Variants in ARID1B observed in about 807,000 individuals in gnomAD.
ARID1B encodes the protein AT-rich interactive domain-containing protein 1B.
Under a neutral mutation model 212.3 loss-of-function variants are expected in ARID1B, and 30 were observed. That is an observed-to-expected ratio of 0.14 (90% CI 0.11 to 0.19). The LOEUF (loss-of-function observed/expected upper bound fraction) is 0.19, where lower values mean the gene tolerates loss of function less well. Ranked by LOEUF, ARID1B falls within the 10% of genes least tolerant of loss-of-function variation. ARID1B has a pLI of 1.00. For synonymous variants in ARID1B, 1,402 were observed against 1,301.7 expected, an observed-to-expected ratio of 1.08 and a Z score of -1.66; for missense variants, 2,891 against 3,204.0, an observed-to-expected ratio of 0.90 and a Z score of 2.36.
intron 4 of ARID1B, among the ~76,000 whole-genome samples, chr6:157,041,443 A>C (rs1385495881): frequency 1.3e-5 from 2 of 152,226 alleles, no homozygotes; most frequent in African/African-American, 4.8e-5. Flanking sequence ...TGGGTCATTA[A>C]AAAACATGTA....
intron 4 of ARID1B, among the ~76,000 whole-genome samples, chr6:157,079,689 C>T (rs1246371049): frequency 2.6e-5 from 4 of 152,096 alleles, no homozygotes; most frequent in African/African-American, 9.7e-5. Flanking sequence ...GAAATATTTG[C>T]ATGTGCTGGA....
intron 3 of ARID1B, among the ~76,000 whole-genome samples, chr6:156,911,003 A>C (rs1156631050): frequency 6.6e-6 from 1 of 152,242 alleles, no homozygotes; most frequent in Non-Finnish European, 1.5e-5. Flanking sequence ...GCTTAATTAA[A>C]CAAATATTTA....
chr6:157,033,954 G>A (rs1781168184), intron 4 of ARID1B, among the ~76,000 whole-genome samples: 1 of 152,052 alleles, frequency 6.6e-6, no homozygotes, highest in Non-Finnish European at 1.5e-5. Context: ...GTGAAACATG[G>A]GTCTCATCAG....
chr6:156,932,145 AGG>A (rs61152353), intron 3 of ARID1B, among the ~76,000 whole-genome samples: 1 of 61,350 alleles, frequency 1.6e-5, no homozygotes, highest in East Asian at 5.5e-4. Flanking sequence ...AAAAAAAAAA[AGG>A]GGGGGGGCGG....
chr6:156,914,640 A>G (rs1476086298), intron 3 of ARID1B, among the ~76,000 whole-genome samples: 4 of 152,124 alleles, frequency 2.6e-5, no homozygotes, highest in Non-Finnish European at 5.9e-5. Flanking sequence ...TGTGACTTTC[A>G]TATGTACTTT....
At chr6:156,926,190 A>G (rs1178007324) in intron 3 of ARID1B, among the ~76,000 whole-genome samples, 3 of 152,208 alleles carry the variant, frequency 2.0e-5, no homozygotes, top group African/African-American at 7.2e-5. Flanking sequence ...CTGAGATCAA[A>G]AGATTGAACA....
intron 4 of ARID1B, among the ~76,000 whole-genome samples, chr6:156,950,644 C>T (rs554274204): frequency 1.4e-4 from 21 of 152,130 alleles, no homozygotes; most frequent in Admixed American, 1.3e-3. Context: ...GGTTTTTTAG[C>T]GCTGCTCTTT....
At chr6:156,853,634 T>C (rs1294449416) in intron 2 of ARID1B, among the ~76,000 whole-genome samples, 2 of 152,208 alleles carry the variant, frequency 1.3e-5, no homozygotes, top group African/African-American at 2.4e-5. Flanking sequence ...CACAGTACTC[T>C]TTCCTATTTG....
chr6:156,818,393 A>T (rs1782123860), intron 1 of ARID1B, among the ~76,000 whole-genome samples: 1 of 152,102 alleles, frequency 6.6e-6, no homozygotes, highest in African/African-American at 2.4e-5. Context: ...TAAGTTGTTT[A>T]TTTAAAATAT....
intron 4 of ARID1B, among the ~76,000 whole-genome samples, chr6:157,035,198 A>T (rs1041967133): frequency 4.6e-5 from 7 of 152,242 alleles, no homozygotes; most frequent in African/African-American, 1.7e-4. Flanking sequence ...AATATGATAA[A>T]ATATGCAGAA....
Position 156,854,643 on chromosome 6 carries a change from G to A in ARID1B, c.1986+25222G>A, listed in dbSNP as rs925948236. Among the ~76,000 whole-genome samples the A allele has an allele frequency of 4.6e-5, 7 of 152,352 alleles. No individual in the cohort carries two copies. In the East Asian group the frequency reaches 1.2e-3, roughly 25 times the overall value. On this transcript the variant is annotated intron_variant, in intron 2 of 19. Coordinates refer to ENST00000636930, the MANE Select transcript of ARID1B (RefSeq NM_001374828.1). ...TGCTTACAGCCTGCTGCTGTAAACC[G>A]TCGCGGTGTGCCCCCGCACCCATCC...
At chr6:157,037,477 A>G (rs1458322832) in intron 4 of ARID1B, among the ~76,000 whole-genome samples, 3 of 152,108 alleles carry the variant, frequency 2.0e-5, no homozygotes, top group African/African-American at 7.2e-5. Context: ...CCCTGGGCTG[A>G]GTTTTGAGGG....
At position 156,779,167 on chromosome 6, in the gene ARID1B, C is replaced by CG; in HGVS notation, c.1492dup (p.Ala498GlyfsTer120). 1.5e-6 allele frequency: 2 copies of CG among 1,320,422 alleles called. No homozygotes were observed. The highest frequency in any genetic ancestry group is 2.7e-5 in the Admixed American group (1 of 37,012). 81.8% of individuals were successfully genotyped at this position (1,320,422 alleles called of 1,614,324 possible). ...TTCGCCGGCCAGAACCAGCACCCGT[C>CG]GGGGGCCACCCCGACCCTCAATCAG... is the stretch of plus-strand genomic sequence containing the variant. On this transcript the variant is annotated frameshift_variant, in exon 1 of 20. Transcript: ENST00000636930. LOFTEE classifies it high-confidence loss of function.
intron 4 of ARID1B, among the ~76,000 whole-genome samples, chr6:157,015,476 C>T (rs6557519): frequency 0.5 from 75,861 of 152,022 alleles, 19,113 homozygotes; most frequent in East Asian, 0.66. Context: ...TTGGGATTCA[C>T]CACAATATTT....
chr6:157,154,591 T>TG (rs544789591), intron 8 of ARID1B, among the ~76,000 whole-genome samples: 199 of 146,402 alleles, frequency 1.4e-3, no homozygotes, highest in African/African-American at 4.8e-3. Flanking sequence ...TTTTTTTTTT[T>TG]TTTTTTTGAG....
chr6:157,074,336 C>T lies in ARID1B; in HGVS notation c.2248-10326C>T, dbSNP rs184929514. ...CAGCCTCCGGGGTTCAAGCAATTCT[C>T]GTGCCTCAGCCTCCTGAGTAGCTGG... On this transcript the variant is annotated intron_variant, in intron 4 of 19. Transcript: ENST00000636930. Among the ~76,000 whole-genome samples, 379 of 152,232 alleles carry T rather than the reference C, an allele frequency of 2.5e-3. 1 individual carries two copies. Among genetic ancestry groups the T allele is most frequent in the Non-Finnish European group, 4.3e-3 (290 of 68,004 alleles).
chr6:157,039,688 TCC>T (rs1781654936), intron 4 of ARID1B, among the ~76,000 whole-genome samples: 1 of 93,554 alleles, frequency 1.1e-5, no homozygotes, highest in Non-Finnish European at 2.6e-5. Context: ...CTTCCTTCCT[TCC>T]TTCCTTCTTT....
intron 4 of ARID1B, among the ~76,000 whole-genome samples, chr6:156,979,031 C>T (rs1777441223): frequency 6.6e-6 from 1 of 152,224 alleles, no homozygotes; most frequent in East Asian, 1.9e-4. Context: ...TTAAATGTGT[C>T]GTCAGTGCTT....
At chr6:157,065,322 G>T (rs566911459) in intron 4 of ARID1B, among the ~76,000 whole-genome samples, 2 of 152,300 alleles carry the variant, frequency 1.3e-5, no homozygotes, top group African/African-American at 4.8e-5. Context: ...CTTTGGCTCT[G>T]GGTATTAACT....
Sources: allele counts gnomAD v4.1 joint callset (sites outside exome capture counted in the v4.1 genomes callset), GRCh38; gene constraint gnomAD v4.1.1; transcripts MANE v1.5; gene names NCBI Gene and HGNC (gene_info 2026-07-23, HGNC 2026-07-21).